The following ZNF704 variants were observed in gnomAD, a reference collection of about 807,000 sequenced individuals.
ZNF704 encodes zinc finger protein 704.
Under a neutral mutation model 44.7 loss-of-function variants are expected in ZNF704, and 10 were observed. The observed-to-expected ratio is 0.22, with a 90% CI of 0.14 to 0.38. ZNF704 has a LOEUF of 0.38. Ranked by LOEUF, ZNF704 falls within the 10% of genes least tolerant of loss-of-function variation. ZNF704 has a pLI of 1.00. For synonymous variants in ZNF704, 211 were observed against 207.6 expected (o/e 1.02, Z -0.14); for missense variants, 390 against 545.5 (o/e 0.71, Z 2.84).
At chr8:80,658,499 C>T (rs181513377) in intron 7 of ZNF704, among the ~76,000 whole-genome samples, 108 of 152,264 alleles carry the variant, frequency 7.1e-4, no homozygotes, top group Non-Finnish European at 1.2e-3. Flanking sequence ...CCTCTTCTAA[C>T]GTCTACTAAC....
At chr8:80,815,250 A>G (rs1337490989) in intron 2 of ZNF704, among the ~76,000 whole-genome samples, 1 of 152,210 alleles carries the variant, frequency 6.6e-6, no homozygotes, top group Non-Finnish European at 1.5e-5. Flanking sequence ...AACAATCTGT[A>G]CTATTCTAAT....
chr8:80,829,286 C>T (rs1179915083), intron 1 of ZNF704, among the ~76,000 whole-genome samples: 2 of 152,184 alleles, frequency 1.3e-5, no homozygotes, highest in African/African-American at 4.8e-5. Context: ...CACTGCGTAA[C>T]TCTCTCTGCC....
intron 2 of ZNF704, among the ~76,000 whole-genome samples, chr8:80,711,441 G>A (rs902606442): frequency 6.6e-6 from 1 of 152,172 alleles, no homozygotes; most frequent in Non-Finnish European, 1.5e-5. Context: ...ATCAGGAAAG[G>A]AAAATGTATA....
At chr8:80,672,675 C>T (rs1241479613) in intron 4 of ZNF704, among the ~76,000 whole-genome samples, 1 of 152,204 alleles carries the variant, frequency 6.6e-6, no homozygotes, top group Non-Finnish European at 1.5e-5. Context: ...AAAGCAAATA[C>T]TGCATGCTCT....
intron 1 of ZNF704, among the ~76,000 whole-genome samples, chr8:80,866,929 G>T (rs570878228): frequency 1.1e-4 from 16 of 152,254 alleles, no homozygotes; most frequent in African/African-American, 3.9e-4. Context: ...TAGGAGGCAG[G>T]GGGTAAGCAG....
chr8:80,648,418 A>C (rs1308478982), intron 7 of ZNF704, among the ~76,000 whole-genome samples: 5 of 152,204 alleles, frequency 3.3e-5, no homozygotes, highest in African/African-American at 1.2e-4. Flanking sequence ...TTTAATGGCA[A>C]GACAGTCATG....
chr8:80,687,116 C>G lies in ZNF704; in HGVS notation c.558+110G>C. 3.5e-6 allele frequency: 3 copies of G among 860,786 alleles called. No individual in the cohort carries two copies. The Admixed American group carries it at 7.3e-5, about 21-fold the overall frequency. The allele number at this position is 860,786 out of a possible 1,614,324, so 53.3% of individuals were successfully genotyped here. On this transcript the variant is annotated intron_variant, in intron 4 of 8. Transcript: ENST00000327835. Reference sequence around the variant, plus strand: ...AAAGAGGAACGTAAGCTGCTTCTTTCCACAGAAAGGGGGTGTAGGTCCAAG... The same window carrying G: ...AAAGAGGAACGTAAGCTGCTTCTTTGCACAGAAAGGGGGTGTAGGTCCAAG...
In ZNF704 at chr8:80,641,361, GTC is replaced by G. The variant is rs770090465; in HGVS notation, c.*3_*4del. On this transcript the variant is annotated 3_prime_UTR_variant, in exon 9 of 9. Coordinates refer to ENST00000327835, the MANE Select transcript of ZNF704 (RefSeq NM_001033723.3). The stretch of plus-strand genomic sequence containing the variant: ...GGGCCCTGAGCCCCTCTGCCTGGGG[GTC>G]TCTCAGTCGAGGAACCTCTGGCAGG... The G allele has an allele frequency of 6.2e-7, 1 of 1,606,290 alleles. No homozygotes were observed. Among genetic ancestry groups the G allele is most frequent in the African/African-American group, 1.3e-5 (1 of 74,740 alleles).
At chr8:80,867,652 C>T (rs76875436) in intron 1 of ZNF704, among the ~76,000 whole-genome samples, 246 of 152,260 alleles carry the variant, frequency 1.6e-3, no homozygotes, top group African/African-American at 5.6e-3. Context: ...GCCTTTTGCT[C>T]GAGCCAACAC....
intron 4 of ZNF704, 29 bp downstream of exon 4, chr8:80,687,197 T>G: frequency 6.3e-7 from 1 of 1,591,988 alleles, no homozygotes; most frequent in Non-Finnish European, 8.6e-7. Flanking sequence ...GGAAACTGAA[T>G]GCAGAAGACC....
chr8:80,740,220 G>A (rs1806733519), intron 2 of ZNF704, among the ~76,000 whole-genome samples: 1 of 152,096 alleles, frequency 6.6e-6, no homozygotes, highest in Admixed American at 6.5e-5. Flanking sequence ...TCCCTTGTTA[G>A]GGAGAGACAT....
intron 7 of ZNF704, among the ~76,000 whole-genome samples, chr8:80,654,522 T>C (rs2131600196): frequency 6.6e-6 from 1 of 152,296 alleles, no homozygotes; most frequent in African/African-American, 2.4e-5. Flanking sequence ...CATCAAAAAG[T>C]GGGCGAAGGA....
intron 2 of ZNF704, among the ~76,000 whole-genome samples, chr8:80,704,753 G>A (rs1050325863): frequency 6.6e-6 from 1 of 152,204 alleles, no homozygotes; most frequent in Non-Finnish European, 1.5e-5. Flanking sequence ...CCCAGGAAGG[G>A]CAGAGAAATG....
Position 80,651,811 on chromosome 8 carries a change from G to A in ZNF704, c.1032+7774C>T, listed in dbSNP as rs1049462195. The stretch of plus-strand genomic sequence containing the variant: ...GGAACTGAACTCAGCTCTGCACCAA[G>A]TGGACCTAATAGACATCTACAGAAC... On this transcript the variant is annotated intron_variant, in intron 7 of 8. Coordinates refer to ENST00000327835, the MANE Select transcript of ZNF704 (RefSeq NM_001033723.3). Among the ~76,000 whole-genome samples, 107 of 152,274 alleles carry A rather than the reference G, an allele frequency of 7.0e-4. 2 individuals carry two copies. The highest frequency in any genetic ancestry group is 1.3e-3 in the Admixed American group (20 of 15,292).
chr8:80,713,651 T>A (rs1819028050), intron 2 of ZNF704, among the ~76,000 whole-genome samples: 1 of 152,246 alleles, frequency 6.6e-6, no homozygotes. Context: ...AGAAGTAAAC[T>A]AATGAGCAAG....
chr8:80,766,259 G>T (rs973915768), intron 2 of ZNF704, among the ~76,000 whole-genome samples: 2 of 152,092 alleles, frequency 1.3e-5, no homozygotes, highest in African/African-American at 4.8e-5. Flanking sequence ...GGGCAGAAGA[G>T]AGTAATGAAA....
chr8:80,794,150 T>C (rs552338954), intron 2 of ZNF704, among the ~76,000 whole-genome samples: 1 of 152,262 alleles, frequency 6.6e-6, no homozygotes, highest in Admixed American at 6.5e-5. Flanking sequence ...GCAATGAAAC[T>C]ATGAATAAAC....
intron 2 of ZNF704, among the ~76,000 whole-genome samples, chr8:80,737,358 A>T (rs968155650): frequency 1.3e-5 from 2 of 152,200 alleles, no homozygotes; most frequent in Non-Finnish European, 2.9e-5. Flanking sequence ...AAAAAGGCTC[A>T]CTGACATGAC....
chr8:80,653,662 T>G (rs1024011131), intron 7 of ZNF704, among the ~76,000 whole-genome samples: 4 of 152,086 alleles, frequency 2.6e-5, no homozygotes, highest in African/African-American at 9.7e-5. Context: ...CAAGGAGAAC[T>G]ACAAACCACT....
Sources: gnomAD v4.1 joint callset for allele counts (sites outside exome capture counted in the v4.1 genomes callset) on GRCh38, gnomAD v4.1.1 for gene constraint, MANE v1.5 for transcripts, NCBI Gene and HGNC (gene_info 2026-07-23, HGNC 2026-07-21) for gene names.